LIN7A: variants seen among roughly 807,000 people sequenced by gnomAD.
LIN7A encodes the protein lin-7 cell polarity scaffold A.
A neutral mutation model predicts 29.8 loss-of-function variants in LIN7A; 25 were observed. The ratio of observed to expected loss-of-function variants is 0.84; its 90% CI spans 0.61 to 1.17. LIN7A has a LOEUF of 1.17. Ranked by LOEUF, LIN7A falls within the 50% of genes most tolerant of loss-of-function variation. The pLI is 0.00. For synonymous variants in LIN7A, 118 were observed against 107.5 expected, an observed-to-expected ratio of 1.10 and a Z score of -0.60; for missense variants, 239 against 287.0, an observed-to-expected ratio of 0.83 and a Z score of 1.21.
chr12:80,901,521 G>A (rs1201396960), intron 1 of LIN7A, among the ~76,000 whole-genome samples: 1 of 129,880 alleles, frequency 7.7e-6, no homozygotes, highest in Admixed American at 7.9e-5. Context: ...CCATCTGTGC[G>A]CATTGTAAAA....
At chr12:80,937,445 A>C in intron 1 of LIN7A, 196 bp downstream of exon 1, 1 of 403,906 alleles carries the variant, frequency 2.5e-6, no homozygotes, top group Non-Finnish European at 4.4e-6. Flanking sequence ...TACAGTGGGA[A>C]GGGGCAGCGG....
rs940674961 is a variant in LIN7A at position 80,795,504 on chromosome 12, T to G, written c.*2223A>C. The G allele has an allele frequency of 6.6e-6, 1 of 152,154 alleles. No homozygotes were observed. Among genetic ancestry groups the G allele is most frequent in the Non-Finnish European group, 1.5e-5 (1 of 68,008 alleles). 9.4% of individuals were successfully genotyped at this position (152,154 alleles called of 1,614,324 possible). A position where few individuals can be genotyped will look rare whatever the true frequency, so the allele number is the denominator to read the frequency against. On this transcript the variant is annotated 3_prime_UTR_variant, in exon 6 of 6. Transcript: ENST00000552864. ...TGTAAACTATCTTACCATTTGATAG[T>G]TGTTTCTGTAACACTGTGACAATAT...
intron 4 of LIN7A, among the ~76,000 whole-genome samples, chr12:80,825,878 T>C (rs1872054671): frequency 6.6e-6 from 1 of 152,224 alleles, no homozygotes; most frequent in South Asian, 2.1e-4. Context: ...ATATCTAGCC[T>C]GTTTTATAAT....
intron 1 of LIN7A, among the ~76,000 whole-genome samples, chr12:80,893,923 A>T (rs1875753587): frequency 6.6e-6 from 1 of 152,210 alleles, no homozygotes; most frequent in Non-Finnish European, 1.5e-5. Flanking sequence ...TGGAAGTCTG[A>T]AAACCAGAAG....
chr12:80,882,573 C>T (rs1284821200), intron 2 of LIN7A, among the ~76,000 whole-genome samples: 7 of 151,950 alleles, frequency 4.6e-5, no homozygotes, highest in Admixed American at 4.6e-4. Context: ...CGTGAGCCAC[C>T]GCGCCCGGCC....
chr12:80,870,957 T>C (rs1337200379), intron 2 of LIN7A, among the ~76,000 whole-genome samples: 1 of 152,210 alleles, frequency 6.6e-6, no homozygotes, highest in Non-Finnish European at 1.5e-5. Flanking sequence ...AGGAATTATT[T>C]GTATACCTCA....
At chr12:80,935,306 A>G (rs992030371) in intron 1 of LIN7A, among the ~76,000 whole-genome samples, 3 of 152,192 alleles carry the variant, frequency 2.0e-5, no homozygotes, top group South Asian at 4.1e-4. Context: ...ATCAAAGGGT[A>G]CCAAAGCAGC....
intron 4 of LIN7A, among the ~76,000 whole-genome samples, chr12:80,836,196 T>C (rs1175509411): frequency 6.6e-6 from 1 of 152,204 alleles, no homozygotes; most frequent in Non-Finnish European, 1.5e-5. Flanking sequence ...CCTCATCTTA[T>C]CCCACTATGT....
chr12:80,890,689 C>T (rs577906099), intron 1 of LIN7A, among the ~76,000 whole-genome samples: 1 of 152,260 alleles, frequency 6.6e-6, no homozygotes, highest in South Asian at 2.1e-4. Flanking sequence ...ATCAATGTGA[C>T]ACTGCCAGTT....
chr12:80,920,996 G>A lies in LIN7A; in HGVS notation c.82+16645C>T, dbSNP rs142025899. ...GCCAAGATCATGTAATGATTGCTAC[G>A]CTCTCTTAGCTCCAGCTGTGGTATG... On this transcript the variant is annotated intron_variant, in intron 1 of 5. Coordinates refer to ENST00000552864, the MANE Select transcript of LIN7A (RefSeq NM_004664.4). 5.0e-4 allele frequency among the ~76,000 whole-genome samples: 76 copies of A among 152,276 alleles called. 1 individual carries two copies. In the East Asian group the frequency reaches 0.013, roughly 26 times the overall value.
intron 4 of LIN7A, among the ~76,000 whole-genome samples, chr12:80,813,887 G>T (rs901416207): frequency 1.3e-5 from 2 of 152,062 alleles, no homozygotes; most frequent in Non-Finnish European, 2.9e-5. Context: ...AAAAATCACT[G>T]TGCAGTGTGA....
chr12:80,807,080 T>TTTTTTTTTTTG (rs1555221374), intron 5 of LIN7A, among the ~76,000 whole-genome samples: 1 of 134,686 alleles, frequency 7.4e-6, no homozygotes, highest in Admixed American at 7.5e-5. Flanking sequence ...TTTTTTTTTT[T>TTTTTTTTTTTG]TTTTTTTTTT....
intron 4 of LIN7A, among the ~76,000 whole-genome samples, chr12:80,822,147 A>G (rs1871837956): frequency 6.6e-6 from 1 of 152,238 alleles, no homozygotes; most frequent in Non-Finnish European, 1.5e-5. Flanking sequence ...CAATCATGGC[A>G]GAAAGCAAGA....
At chr12:80,811,817 C>T in intron 4 of LIN7A, 134 bp from the exon 5 acceptor site, 1 of 1,002,800 alleles carries the variant, frequency 1.0e-6, no homozygotes, top group Non-Finnish European at 1.4e-6. Context: ...AGTTATCTTA[C>T]CATCATCGTT....
intron 2 of LIN7A, among the ~76,000 whole-genome samples, chr12:80,853,099 G>T (rs986415935): frequency 6.6e-6 from 1 of 152,110 alleles, no homozygotes; most frequent in Admixed American, 6.6e-5. Flanking sequence ...TTGTTATAAC[G>T]AAGAAAAGCA....
At chr12:80,914,920 C>T (rs745438780) in intron 1 of LIN7A, among the ~76,000 whole-genome samples, 13 of 152,022 alleles carry the variant, frequency 8.6e-5, no homozygotes, top group East Asian at 1.9e-4. Context: ...TGGTGGTGAG[C>T]GCTTGTGGTC....
At chr12:80,820,644 C>CAA (rs1294269246) in intron 4 of LIN7A, among the ~76,000 whole-genome samples, 1 of 151,934 alleles carries the variant, frequency 6.6e-6, no homozygotes, top group Non-Finnish European at 1.5e-5. Flanking sequence ...CACACACACA[C>CAA]ACACACACAC....
rs1205792922 is a variant in LIN7A at position 80,794,110 on chromosome 12, G to T, written c.*3617C>A. 1 of 152,140 alleles carries T rather than the reference G, an allele frequency of 6.6e-6. No individual in the cohort carries two copies. Among genetic ancestry groups the T allele is most frequent in the Non-Finnish European group, 1.5e-5 (1 of 68,022 alleles). The allele number at this position is 152,140 out of a possible 1,614,324, so 9.4% of individuals were successfully genotyped here. A position where few individuals can be genotyped will look rare whatever the true frequency, so the allele number is the denominator to read the frequency against. On this transcript the variant is annotated 3_prime_UTR_variant, in exon 6 of 6. Coordinates refer to ENST00000552864, the MANE Select transcript of LIN7A (RefSeq NM_004664.4). Reference sequence around the variant, plus strand: ...CTAACCATGAAACTTAGAAATCATAGTGACAATCAGTATAATATAAGCTGG... The same window carrying T: ...CTAACCATGAAACTTAGAAATCATATTGACAATCAGTATAATATAAGCTGG...
rs67035673 is a variant in LIN7A at position 80,876,052 on chromosome 12, T to TACACAC, written c.201+13193_201+13198dup. On this transcript the variant is annotated intron_variant, in intron 2 of 5. Coordinates refer to ENST00000552864, the MANE Select transcript of LIN7A (RefSeq NM_004664.4). ...GAGTTCCTTGGTTTTATTATTTTTA[T>TACACAC]ACACACACACACACACACACACACA... Among the ~76,000 whole-genome samples, 275 of 148,226 alleles carry TACACAC rather than the reference T, an allele frequency of 1.9e-3. 1 individual carries two copies. Among genetic ancestry groups the TACACAC allele is most frequent in the African/African-American group, 4.9e-3 (196 of 39,936 alleles).
Sources: allele counts gnomAD v4.1 joint callset (sites outside exome capture counted in the v4.1 genomes callset), GRCh38; gene constraint gnomAD v4.1.1; transcripts MANE v1.5; gene names NCBI Gene and HGNC (gene_info 2026-07-23, HGNC 2026-07-21).